TNC: variants seen among roughly 807,000 people sequenced by gnomAD.
The protein encoded by TNC is tenascin.
A neutral mutation model predicts 202.4 loss-of-function variants in TNC; 109 were observed. The observed-to-expected ratio is 0.54, with a 90% confidence interval of 0.46 to 0.63. TNC has a LOEUF of 0.63. Ranked by LOEUF, TNC falls within the 30% of genes least tolerant of loss-of-function variation. TNC has a pLI of 0.00. For synonymous variants in TNC, 1,007 were observed against 1,089.7 expected (o/e 0.92, Z 1.50); for missense variants, 2,756 against 2,833.3 (o/e 0.97, Z 0.62).
At chr9:115,114,554 C>G (rs950931334) in intron 1 of TNC, among the ~76,000 whole-genome samples, 9 of 152,166 alleles carry the variant, frequency 5.9e-5, no homozygotes, top group Non-Finnish European at 1.3e-4. Context: ...TGAGAGCTGA[C>G]CTTTGCTGAG....
chr9:115,022,510 C>T (rs932731016), intron 27 of TNC, among the ~76,000 whole-genome samples: 1 of 152,094 alleles, frequency 6.6e-6, no homozygotes, highest in African/African-American at 2.4e-5. Flanking sequence ...TCATCTCTTT[C>T]TTCTTCCATA....
chr9:115,040,184 G>A (rs1210184882), intron 19 of TNC, among the ~76,000 whole-genome samples: 1 of 152,220 alleles, frequency 6.6e-6, no homozygotes, highest in East Asian at 1.9e-4. Flanking sequence ...TAGAAGGATA[G>A]AGAGTTTGGA....
At chr9:115,113,694 A>G (rs1837246477) in intron 1 of TNC, among the ~76,000 whole-genome samples, 1 of 152,224 alleles carries the variant, frequency 6.6e-6, no homozygotes, top group Admixed American at 6.5e-5. Flanking sequence ...TGAAGGACCT[A>G]TGAACTTCAG....
At position 115,064,133 on chromosome 9, in the gene TNC, C is replaced by T. The variant is rs1458924052; in HGVS notation, c.3488-65G>A. ...ACAACAAGATCCAGGGAATCTTTAA[C>T]ACAAGAATAAGCTGAATAATAATAT... On this transcript the variant is annotated intron_variant, in intron 11 of 27. Transcript: ENST00000350763. 9 of 1,450,352 alleles carry T rather than the reference C, an allele frequency of 6.2e-6. No homozygotes were observed. The African/African-American group carries it at 1.3e-4, about 21-fold the overall frequency. The allele number at this position is 1,450,352 out of a possible 1,614,324, so 89.8% of individuals were successfully genotyped here.
chr9:115,063,275 GGGATGAGTTGTCT>G, intron 12 of TNC, 86 bp from the exon 13 acceptor site: 1 of 1,447,020 alleles, frequency 6.9e-7, no homozygotes, highest in Non-Finnish European at 9.5e-7. Context: ...GGCTAAGGTT[GGGATGAGTTGTCT>G]GGTTAGTGTT....
Position 115,073,710 on chromosome 9 carries a change from G to T in TNC, c.3107C>A (p.Thr1036Asn), listed in dbSNP as rs762328248. 1 of 1,614,194 alleles carries T rather than the reference G, an allele frequency of 6.2e-7. No individual in the cohort carries two copies. The highest frequency in any genetic ancestry group is 2.2e-5 in the East Asian group (1 of 44,878). ...TTCCAGGCCTCTCAGGACATAGGAA[G>T]TGGTGTTTCTTGGAAGCTGCACTCC... Reference protein sequence around the residue: ...WVGVQLPRNTTSYVLRGLEPG... With the variant: ...WVGVQLPRNTNSYVLRGLEPG... The change falls in exon 10 of 28, where the codon ACT (threonine) becomes AAT (asparagine). Residue 1036 changes from threonine (T) to asparagine (N), a missense_variant. Thr to Asn is a moderately conservative substitution (Grantham distance 65). Transcript: ENST00000350763.
chr9:115,057,190 G>T lies in TNC; in HGVS notation c.4542C>A (p.Ser1514Arg). Residue 1514 changes from serine to arginine, a missense_variant, in exon 15 of 28, where the codon AGC (serine) becomes AGA (arginine). Ser to Arg is a moderately radical substitution (Grantham distance 110, BLOSUM62 -1). Around this residue, in one of 2 missense-constraint regions of TNC, gnomAD observed 2,559 missense variants for 2,546.0 expected, o/e 1.01. Transcript: ENST00000350763. ...FIVYLSGLAP[S>R]IRTKTISATA... ...TGGCACTGATGGTTTTGGTCCGGAT[G>T]CTGGGAGCAAGTCCAGAGAGGTAGA... 1 of 1,613,936 alleles carries T rather than the reference G, an allele frequency of 6.2e-7. No homozygotes were observed. Among genetic ancestry groups the T allele is most frequent in the Non-Finnish European group, 8.5e-7 (1 of 1,179,910 alleles).
chr9:115,059,520 A>C (rs1345267629), intron 14 of TNC, among the ~76,000 whole-genome samples: 1 of 152,136 alleles, frequency 6.6e-6, no homozygotes. Flanking sequence ...GGAGATCAGA[A>C]AGGGCAACAC....
At chr9:115,061,116 G>A (rs376961642) in intron 13 of TNC, among the ~76,000 whole-genome samples, 2 of 152,282 alleles carry the variant, frequency 1.3e-5, no homozygotes, top group East Asian at 1.9e-4. Flanking sequence ...AGGCTGAAGT[G>A]GCCATGGGTT....
intron 13 of TNC, among the ~76,000 whole-genome samples, chr9:115,061,435 T>G (rs74826330): frequency 1.3e-5 from 2 of 152,258 alleles, no homozygotes; most frequent in Non-Finnish European, 2.9e-5. Context: ...CAAAAGGAGT[T>G]GTACTGCTAA....
intron 21 of TNC, chr9:115,035,837 GT>G: frequency 2.3e-6 from 1 of 439,298 alleles, no homozygotes; most frequent in Non-Finnish European, 4.0e-6. Context: ...AGTGGGAACT[GT>G]TTTTCCACTT....
chr9:115,063,940 C>T lies in TNC; in HGVS notation c.3616G>A (p.Glu1206Lys), dbSNP rs1832743676. Reference sequence around the variant, plus strand: ...GGGACGGTGAGGTTCTGGGCTGCCTCTACTGTGTCAGCCTCCTGCACCTGA... The same window carrying T: ...GGGACGGTGAGGTTCTGGGCTGCCTTTACTGTGTCAGCCTCCTGCACCTGA... The part of the protein sequence containing the change: ...FIQVQEADTV[E>K]AAQNLTVPGG... Residue 1206 changes from glutamate (E) to lysine (K), a missense_variant, in exon 12 of 28, where the codon GAG (glutamate) becomes AAG (lysine). Transcript: ENST00000350763. 3 of 1,614,070 alleles carry T rather than the reference C, an allele frequency of 1.9e-6. No homozygotes were observed. The highest frequency in any genetic ancestry group is 3.3e-5 in the Admixed American group (2 of 60,004).
chr9:115,087,017 A>G lies in TNC; in HGVS notation c.714T>C (p.Cys238=), dbSNP rs769551423. 8.1e-6 allele frequency: 13 copies of G among 1,613,094 alleles called. No individual in the cohort carries two copies. Among genetic ancestry groups the G allele is most frequent in the African/African-American group, 2.7e-5 (2 of 74,808 alleles). The change falls in exon 3 of 28, where the codon TGT becomes TGC. Residue 238 remains cysteine, a synonymous_variant. Coordinates refer to ENST00000350763, the MANE Select transcript of TNC (RefSeq NM_002160.4). ...AGTCAGCCCCGGCGTAGCCTTCGAA[A>G]CAGATGCAGACTCCATTTACGCACT... The part of the protein sequence containing the change: ...QGKCVNGVCI[C]FEGYAGADCS...
chr9:115,035,369 T>G, intron 21 of TNC, 35 bp from the exon 22 acceptor site: 1 of 1,584,706 alleles, frequency 6.3e-7, no homozygotes, highest in South Asian at 1.1e-5. Context: ...TCGGATAAGA[T>G]CAGCAAATGT....
In TNC at chr9:115,090,933, A is replaced by C. The variant is rs757539119; in HGVS notation, c.86T>G (p.Ile29Ser). Residue 29 changes from isoleucine (I) to serine (S), a missense_variant, in exon 2 of 28, where the codon ATC (isoleucine) becomes AGC (serine). Coordinates refer to ENST00000350763, the MANE Select transcript of TNC (RefSeq NM_002160.4). ...ATEGGVLKKV[I>S]RHKRQSGVNA... ...CACCCCACTCTGTCGCTTGTGCCGG[A>C]TGACTTTCTTGAGGACCCCACCTTC... 1 of 1,614,146 alleles carries C rather than the reference A, an allele frequency of 6.2e-7. No homozygotes were observed. Among genetic ancestry groups the C allele is most frequent in the South Asian group, 1.1e-5 (1 of 91,074 alleles).
intron 2 of TNC, among the ~76,000 whole-genome samples, chr9:115,087,523 T>C (rs961035068): frequency 8.7e-6 from 1 of 114,296 alleles, no homozygotes; most frequent in Non-Finnish European, 1.8e-5. Context: ...TGATTATGCA[T>C]AGGGGTGTGT....
intron 1 of TNC, among the ~76,000 whole-genome samples, chr9:115,098,135 T>C (rs1835935184): frequency 6.6e-6 from 1 of 152,224 alleles, no homozygotes; most frequent in Admixed American, 6.5e-5. Context: ...GGTTAAATGT[T>C]AAGCTTTAAT....
Position 115,085,970 on chromosome 9 carries a change from C to A in TNC, c.1761G>T (p.Leu587=). 1 of 1,613,984 alleles carries A rather than the reference C, an allele frequency of 6.2e-7. No homozygotes were observed. The highest frequency in any genetic ancestry group is 8.5e-7 in the Non-Finnish European group (1 of 1,179,952). The change falls in exon 3 of 28, where the codon CTG becomes CTT. Residue 587 remains leucine (L), a synonymous_variant. Coordinates refer to ENST00000350763, the MANE Select transcript of TNC (RefSeq NM_002160.4). ...QCICHEGFTG[L]DCGQHSCPSD... is the part of the protein sequence containing the mutation. The stretch of plus-strand genomic sequence containing the variant: ...TGGGGCAGGAGTGCTGGCCACAGTC[C>A]AGGCCTGTGAAGCCCTCGTGGCAGA...
intron 8 of TNC, 96 bp from the exon 9 acceptor site, chr9:115,076,217 A>G (rs1833839358): frequency 6.9e-7 from 1 of 1,441,744 alleles, no homozygotes; most frequent in South Asian, 1.2e-5. Context: ...TGGAGGCTAC[A>G]ACAAATTTTC....
Sources: allele counts gnomAD v4.1 joint callset (sites outside exome capture counted in the v4.1 genomes callset), GRCh38; gene constraint gnomAD v4.1.1; regional missense constraint gnomAD v4.1.1; transcripts MANE v1.5; gene names NCBI Gene and HGNC (gene_info 2026-07-23, HGNC 2026-07-21).